The following PCSK5 variants were observed in gnomAD, a reference collection of about 807,000 sequenced individuals.
PCSK5 encodes prohormone convertase 5.
A neutral mutation model predicts 233.2 loss-of-function variants in PCSK5; 129 were observed. That is an observed-to-expected ratio of 0.55 (90% CI 0.48 to 0.64). The LOEUF is 0.64. Ranked by LOEUF, PCSK5 falls within the 30% of genes least tolerant of loss-of-function variation. PCSK5 has a pLI of 0.00. For missense variants in PCSK5, 2,076 were observed against 2,430.1 expected, an observed-to-expected ratio of 0.85 and a Z score of 3.06; for synonymous variants, 825 against 879.2, an observed-to-expected ratio of 0.94 and a Z score of 1.09.
chr9:76,090,981 C>T (rs1024493208), intron 7 of PCSK5, among the ~76,000 whole-genome samples: 5 of 151,738 alleles, frequency 3.3e-5, no homozygotes, highest in African/African-American at 9.7e-5. Flanking sequence ...GAGGTTCGAG[C>T]GCCTGTGAGA....
At position 75,986,228 on chromosome 9, in the gene PCSK5, C is replaced by T. The variant is rs779942355; in HGVS notation, c.394C>T (p.Pro132Ser). Residue 132 changes from proline to serine, a missense_variant, in exon 3 of 38, where the codon CCC becomes TCC. Coordinates refer to ENST00000674117, the MANE Select transcript of PCSK5 (RefSeq NM_001372043.1). The stretch of plus-strand genomic sequence containing the variant: ...TACCTATTTCAATGATCCCAAGTGG[C>T]CCAGCATGTGGTATATGGTAAGCTT... ...QSTYFNDPKWPSMWYMHCSDN... is the reference protein window; with the variant it reads ...QSTYFNDPKWSSMWYMHCSDN... 2 of 1,605,420 alleles carry T rather than the reference C, an allele frequency of 1.2e-6. No individual in the cohort carries two copies. Among genetic ancestry groups the T allele is most frequent in the South Asian group, 1.1e-5 (1 of 90,912 alleles).
chr9:76,191,894 C>T (rs918662424), intron 20 of PCSK5, among the ~76,000 whole-genome samples: 4 of 150,938 alleles, frequency 2.7e-5, no homozygotes, highest in African/African-American at 9.7e-5. Flanking sequence ...GCCTGAGCAA[C>T]ATGGTGAAAC....
intron 24 of PCSK5, among the ~76,000 whole-genome samples, chr9:76,280,267 G>A (rs1024786783): frequency 1.3e-5 from 2 of 151,994 alleles, no homozygotes; most frequent in Non-Finnish European, 1.5e-5. Flanking sequence ...TTCCACTGAC[G>A]GCATTTCCCT....
chr9:75,937,087 A>G (rs1024468040), intron 2 of PCSK5, among the ~76,000 whole-genome samples: 3 of 152,050 alleles, frequency 2.0e-5, no homozygotes, highest in Non-Finnish European at 4.4e-5. Flanking sequence ...TTGGCTTAAA[A>G]TATTCAGTAA....
intron 33 of PCSK5, 87 bp from the exon 34 acceptor site, chr9:76,332,346 C>A: frequency 1.1e-6 from 1 of 946,942 alleles, no homozygotes; most frequent in Non-Finnish European, 1.6e-6. Context: ...CCTCTCCTCC[C>A]TCCCGCCATG....
intron 1 of PCSK5, among the ~76,000 whole-genome samples, chr9:75,900,510 C>A (rs1401331704): frequency 2.0e-5 from 3 of 151,688 alleles, no homozygotes; most frequent in African/African-American, 7.3e-5. Context: ...GAAACCCTGT[C>A]TCTACTAAAA....
chr9:75,900,093 T>G (rs184334744), intron 1 of PCSK5, among the ~76,000 whole-genome samples: 24 of 152,300 alleles, frequency 1.6e-4, no homozygotes, highest in Non-Finnish European at 2.9e-5. Flanking sequence ...TCTGCTTCTA[T>G]CCACCTGCCA....
rs761119764 is a variant in PCSK5 at position 76,179,633 on chromosome 9, C to T, written c.1938C>T (p.Asp646=). The T allele has an allele frequency of 6.8e-6, 11 of 1,613,720 alleles. No individual in the cohort carries two copies. The highest frequency in any genetic ancestry group is 1.1e-5 in the South Asian group (1 of 91,066). The change falls in exon 15 of 38, where the codon GAC becomes GAT. Residue 646 remains aspartate, a synonymous_variant. Transcript: ENST00000674117. ...CTGAGTGCAGTGAGGTTGGCTGTGACGGGCCAGGACCAGACCACTGCAATG... is the reference window on the plus strand; with the variant it reads ...CTGAGTGCAGTGAGGTTGGCTGTGATGGGCCAGGACCAGACCACTGCAATG... ...CDPECSEVGC[D]GPGPDHCNDC...
chr9:76,068,039 C>A lies in PCSK5; in HGVS notation c.717C>A (p.Ile239=). The A allele has an allele frequency of 1.2e-6, 2 of 1,612,474 alleles. No homozygotes were observed. The highest frequency in any genetic ancestry group is 1.7e-6 in the Non-Finnish European group (2 of 1,178,556). The change falls in exon 6 of 38, where the codon ATC becomes ATA. Residue 239 remains isoleucine (I), a synonymous_variant. Transcript: ENST00000674117. The stretch of plus-strand genomic sequence containing the variant: ...TCGGAATTGCTTTCAACGCCAAGAT[C>A]GGAGGTATGGGAAACCAACTCACGT... ...CTVGIAFNAK[I]GGVRMLDGDV...
At chr9:76,291,428 G>C (rs1338553808) in intron 24 of PCSK5, among the ~76,000 whole-genome samples, 1 of 152,212 alleles carries the variant, frequency 6.6e-6, no homozygotes, top group Non-Finnish European at 1.5e-5. Flanking sequence ...ATTAAAATAA[G>C]AAGAGCAAGA....
At chr9:76,189,326 TA>T in intron 19 of PCSK5, 103 bp downstream of exon 19, 1 of 998,454 alleles carries the variant, frequency 1.0e-6, no homozygotes, top group Non-Finnish European at 1.5e-6. Context: ...ATGATAACAC[TA>T]GGTTTAAACA....
intron 9 of PCSK5, among the ~76,000 whole-genome samples, chr9:76,128,098 C>G (rs971127953): frequency 2.0e-5 from 3 of 152,188 alleles, no homozygotes; most frequent in Admixed American, 2.0e-4. Flanking sequence ...GGGCCTAGAA[C>G]TGCATAATTT....
intron 20 of PCSK5, among the ~76,000 whole-genome samples, chr9:76,196,292 G>A (rs35094564): frequency 0.13 from 20,336 of 152,278 alleles, 1,479 homozygotes; most frequent in Middle Eastern, 0.19. Flanking sequence ...CTGGGGGCAA[G>A]GAGGTAGGCA....
chr9:76,296,772 G>A lies in PCSK5; in HGVS notation c.3430G>A (p.Asp1144Asn). The change falls in exon 27 of 38, where the codon GAC becomes AAC. Residue 1144 changes from aspartate to asparagine, a missense_variant. This residue lies in a region of PCSK5 where 1,510 missense variants were observed against 1,538.1 expected (regional missense o/e 0.98). Transcript: ENST00000674117. Reference protein sequence around the residue: ...ACETCTGPGHDECSSCQEGLQ... With the variant: ...ACETCTGPGHNECSSCQEGLQ... ...CGAAACCTGCACAGGCCCTGGTCAT[G>A]ACGAGTGCAGCAGCTGCCAGGAAGG... The A allele has an allele frequency of 6.2e-7, 1 of 1,612,008 alleles. No homozygotes were observed. Among genetic ancestry groups the A allele is most frequent in the Non-Finnish European group, 8.5e-7 (1 of 1,179,158 alleles).
chr9:76,244,265 TGAACTATTA>T (rs1334280647), intron 24 of PCSK5, among the ~76,000 whole-genome samples: 2 of 152,140 alleles, frequency 1.3e-5, no homozygotes, highest in African/African-American at 4.8e-5. Flanking sequence ...TGATTTTTCA[TGAACTATTA>T]GAACTATAAG....
At chr9:76,301,516 C>G (rs889551430) in intron 27 of PCSK5, among the ~76,000 whole-genome samples, 1 of 152,142 alleles carries the variant, frequency 6.6e-6, no homozygotes, top group African/African-American at 2.4e-5. Flanking sequence ...AAATGAATTA[C>G]CATCCATACA....
intron 1 of PCSK5, among the ~76,000 whole-genome samples, chr9:75,903,566 G>A (rs1826134692): frequency 1.5e-5 from 2 of 132,486 alleles, no homozygotes; most frequent in Non-Finnish European, 3.2e-5. Context: ...GTATATATGT[G>A]TGTGTGTGTA....
chr9:76,092,931 C>T (rs1831355227), intron 7 of PCSK5, among the ~76,000 whole-genome samples: 1 of 152,078 alleles, frequency 6.6e-6, no homozygotes, highest in Non-Finnish European at 1.5e-5. Context: ...AAAAGTAAGA[C>T]ATGGTCATAG....
chr9:76,212,841 G>A (rs1215579858), intron 20 of PCSK5, among the ~76,000 whole-genome samples: 4 of 152,154 alleles, frequency 2.6e-5, no homozygotes, highest in African/African-American at 7.2e-5. Flanking sequence ...CTATGGAAAC[G>A]AGGGTTAGAA....
Sources: gnomAD v4.1 joint callset for allele counts (sites outside exome capture counted in the v4.1 genomes callset) on GRCh38, gnomAD v4.1.1 for gene constraint, gnomAD v4.1.1 regional missense constraint, MANE v1.5 for transcripts, NCBI Gene and HGNC (gene_info 2026-07-23, HGNC 2026-07-21) for gene names.